Variants in NTM observed in about 807,000 individuals in gnomAD.
NTM encodes the protein neurotrimin.
NTM carries 13 observed loss-of-function variants against 42.1 expected under a neutral mutation model. The observed-to-expected ratio is 0.31, with a 90% CI of 0.20 to 0.49. NTM has a LOEUF of 0.49. Among genes scored for constraint, NTM ranks in the 20% least tolerant of loss-of-function variants. The pLI is 0.99. For synonymous variants in NTM, 187 were observed against 179.2 expected (o/e 1.04, Z -0.35); for missense variants, 373 against 452.8 (o/e 0.82, Z 1.60).
At chr11:131,588,973 T>C (rs1467653628) in intron 1 of NTM, among the ~76,000 whole-genome samples, 1 of 152,144 alleles carries the variant, frequency 6.6e-6, no homozygotes, top group Non-Finnish European at 1.5e-5. Context: ...GGAGGGTTTA[T>C]ATGGGAGAGT....
chr11:131,649,857 A>G (rs945573976), intron 1 of NTM, among the ~76,000 whole-genome samples: 1 of 152,106 alleles, frequency 6.6e-6, no homozygotes, highest in African/African-American at 2.4e-5. Context: ...TTGTTTTGCA[A>G]AGTTAGCATT....
intron 4 of NTM, among the ~76,000 whole-genome samples, chr11:132,240,079 A>G (rs1039932756): frequency 6.6e-6 from 1 of 152,056 alleles, no homozygotes; most frequent in Admixed American, 6.6e-5. Flanking sequence ...CCATCCATCC[A>G]TCCATCCATC....
chr11:132,098,077 T>C (rs1413018795), intron 2 of NTM, among the ~76,000 whole-genome samples: 1 of 152,230 alleles, frequency 6.6e-6, no homozygotes, highest in Non-Finnish European at 1.5e-5. Flanking sequence ...TCTGTCATGA[T>C]GTGGAAAGTT....
intron 7 of NTM, among the ~76,000 whole-genome samples, chr11:132,315,498 A>G (rs905993827): frequency 6.6e-6 from 1 of 152,158 alleles, no homozygotes; most frequent in East Asian, 1.9e-4. Context: ...TTCATACCCC[A>G]TCAAGTTCTT....
chr11:131,571,228 T>A (rs988939224), intron 1 of NTM, among the ~76,000 whole-genome samples: 1 of 152,214 alleles, frequency 6.6e-6, no homozygotes, highest in Non-Finnish European at 1.5e-5. Context: ...TTATAAATGC[T>A]GGAGTTGGGG....
intron 4 of NTM, among the ~76,000 whole-genome samples, chr11:132,273,842 G>A (rs1009464234): frequency 6.6e-6 from 1 of 152,144 alleles, no homozygotes; most frequent in African/African-American, 2.4e-5. Flanking sequence ...GAGAGACAGA[G>A]GTTGCAGTAA....
At position 131,626,125 on chromosome 11, in the gene NTM, A is replaced by G. The variant is rs192177337; in HGVS notation, c.82+255237A>G. Reference sequence around the variant, plus strand: ...AAAATAAATTTAATTTTAAGAATCCAAGTAACTTTATAGATGTTGAAATTA... The same window carrying G: ...AAAATAAATTTAATTTTAAGAATCCGAGTAACTTTATAGATGTTGAAATTA... On this transcript the variant is annotated intron_variant, in intron 1 of 8. Transcript: ENST00000683400. Among the ~76,000 whole-genome samples, 432 of 152,236 alleles carry G rather than the reference A, an allele frequency of 2.8e-3. 2 individuals carry two copies. The highest frequency in any genetic ancestry group is 9.8e-3 in the African/African-American group (407 of 41,520).
intron 1 of NTM, among the ~76,000 whole-genome samples, chr11:131,694,370 CT>C (rs554104663): frequency 3.0e-4 from 45 of 152,310 alleles, no homozygotes; most frequent in African/African-American, 1.0e-3. Flanking sequence ...TGTATTCTGT[CT>C]TAGGGCTATG....
At chr11:131,944,218 A>G (rs910444131) in intron 2 of NTM, among the ~76,000 whole-genome samples, 3 of 152,250 alleles carry the variant, frequency 2.0e-5, no homozygotes, top group African/African-American at 7.2e-5. Flanking sequence ...TACTAGGTAC[A>G]GAGTAAAATT....
chr11:131,619,044 AAAC>A (rs1203555921), intron 1 of NTM, among the ~76,000 whole-genome samples: 5 of 152,368 alleles, frequency 3.3e-5, no homozygotes, highest in Admixed American at 6.5e-5. Flanking sequence ...ATGCGAAAAC[AAAC>A]AACAACAATA....
intron 1 of NTM, among the ~76,000 whole-genome samples, chr11:131,609,867 G>A (rs1311700447): frequency 1.3e-5 from 2 of 152,184 alleles, no homozygotes; most frequent in Non-Finnish European, 2.9e-5. Context: ...ACCAAACACA[G>A]GCTTTCCATC....
chr11:131,897,244 T>G (rs905996718), intron 1 of NTM: 1 of 151,728 alleles, frequency 6.6e-6, no homozygotes, highest in African/African-American at 2.4e-5. Flanking sequence ...AGCAGAGAGA[T>G]GAGTTAGGAT....
chr11:131,552,018 G>A (rs779619629), intron 1 of NTM, among the ~76,000 whole-genome samples: 1 of 152,088 alleles, frequency 6.6e-6, no homozygotes, highest in Non-Finnish European at 1.5e-5. Flanking sequence ...AGATCTACAT[G>A]TGCATTTTAT....
intron 1 of NTM, among the ~76,000 whole-genome samples, chr11:131,708,422 T>C (rs1026115158): frequency 6.6e-6 from 1 of 152,112 alleles, no homozygotes; most frequent in African/African-American, 2.4e-5. Context: ...ATTTTGGCAG[T>C]AAGTATTCCT....
intron 2 of NTM, among the ~76,000 whole-genome samples, chr11:132,033,869 TA>T (rs2135693109): frequency 1.3e-5 from 2 of 152,334 alleles, no homozygotes; most frequent in African/African-American, 4.8e-5. Context: ...TCATATTCTT[TA>T]TATACAATTT....
At chr11:132,208,873 C>A (rs2082393217) in intron 3 of NTM, among the ~76,000 whole-genome samples, 1 of 152,270 alleles carries the variant, frequency 6.6e-6, no homozygotes, top group Non-Finnish European at 1.5e-5. Context: ...TCTCGGAGTG[C>A]TTTACAGATC....
At chr11:131,403,226 T>G (rs1945442819) in intron 1 of NTM, among the ~76,000 whole-genome samples, 2 of 152,160 alleles carry the variant, frequency 1.3e-5, no homozygotes, top group Non-Finnish European at 2.9e-5. Context: ...TAATGAGACA[T>G]TCAACTGAGT....
At chr11:131,999,093 G>A (rs1040925002) in intron 2 of NTM, among the ~76,000 whole-genome samples, 3 of 152,098 alleles carry the variant, frequency 2.0e-5, no homozygotes, top group Admixed American at 6.6e-5. Context: ...TGATGTGGAA[G>A]TTTAACCATT....
intron 2 of NTM, among the ~76,000 whole-genome samples, chr11:132,070,125 AAC>A (rs1347685037): frequency 2.7e-5 from 4 of 148,030 alleles, no homozygotes; most frequent in Admixed American, 1.3e-4. Context: ...CAGGTTAGTT[AAC>A]ACGTCACACA....
Sources: gnomAD v4.1 joint callset for allele counts (sites outside exome capture counted in the v4.1 genomes callset) on GRCh38, gnomAD v4.1.1 for gene constraint, MANE v1.5 for transcripts, NCBI Gene and HGNC (gene_info 2026-07-23, HGNC 2026-07-21) for gene names.